The following HCN1 variants were observed in gnomAD, a reference collection of about 807,000 sequenced individuals.
HCN1 encodes the protein hyperpolarization activated cyclic nucleotide gated potassium channel 1.
Under a neutral mutation model 78.9 loss-of-function variants are expected in HCN1, and 13 were observed. The ratio of observed to expected loss-of-function variants is 0.16; its 90% CI spans 0.11 to 0.26. HCN1 has a LOEUF of 0.26. HCN1 is among the 10% of genes least tolerant of loss of function. The pLI, the probability that HCN1 is intolerant of heterozygous loss-of-function variation, is 1.00. For synonymous variants in HCN1, 552 were observed against 455.5 expected (o/e 1.21, Z -2.70); for missense variants, 810 against 1,154.3 (o/e 0.70, Z 4.32).
intron 2 of HCN1, among the ~76,000 whole-genome samples, chr5:45,603,979 A>C (rs1744675559): frequency 6.6e-6 from 1 of 152,220 alleles, no homozygotes; most frequent in South Asian, 2.1e-4. Flanking sequence ...TTCAAAGAAA[A>C]GTAGATCATG....
chr5:45,356,508 A>G (rs1747009863), intron 4 of HCN1, among the ~76,000 whole-genome samples: 1 of 152,024 alleles, frequency 6.6e-6, no homozygotes, highest in Non-Finnish European at 1.5e-5. Flanking sequence ...TGTTTAATCC[A>G]TATCACTAAG....
At chr5:45,612,984 C>T (rs1361193950) in intron 2 of HCN1, among the ~76,000 whole-genome samples, 9 of 152,106 alleles carry the variant, frequency 5.9e-5, no homozygotes, top group Admixed American at 4.6e-4. Flanking sequence ...ATTTACAATA[C>T]AAACGTTGGA....
chr5:45,555,281 T>A (rs1474605751), intron 2 of HCN1, among the ~76,000 whole-genome samples: 4 of 151,528 alleles, frequency 2.6e-5, no homozygotes, highest in Non-Finnish European at 1.5e-5. Flanking sequence ...AAAAAAGTAA[T>A]CCCATTTACA....
chr5:45,328,203 TATC>T (rs1561108349), intron 5 of HCN1, among the ~76,000 whole-genome samples: 2 of 151,826 alleles, frequency 1.3e-5, no homozygotes, highest in East Asian at 1.9e-4. Flanking sequence ...ACTAAGCACT[TATC>T]ATGATTGTGG....
At chr5:45,384,969 C>T (rs1200139805) in intron 4 of HCN1, among the ~76,000 whole-genome samples, 5 of 151,916 alleles carry the variant, frequency 3.3e-5, no homozygotes, top group African/African-American at 1.2e-4. Context: ...TCCTTTTTTC[C>T]AGAACTGGAG....
At chr5:45,450,668 T>G (rs1375928449) in intron 3 of HCN1, among the ~76,000 whole-genome samples, 5 of 152,194 alleles carry the variant, frequency 3.3e-5, no homozygotes, top group African/African-American at 1.2e-4. Flanking sequence ...TGGGAGCAGT[T>G]CCTGTATAGG....
rs190038424 is a variant in HCN1, at chr5:45,285,217, C to T, written c.1619-17964G>A. 3.3e-5 allele frequency among the ~76,000 whole-genome samples: 5 copies of T among 152,094 alleles called. No homozygotes were observed. The East Asian group carries it at 9.7e-4, about 29-fold the overall frequency. The stretch of plus-strand genomic sequence containing the variant: ...ACACTACTATTCAATTTTTACAACT[C>T]AGCTCAGAAGTGAGGTGGGTACTCT... On this transcript the variant is annotated intron_variant, in intron 6 of 7. Coordinates refer to ENST00000303230, the MANE Select transcript of HCN1 (RefSeq NM_021072.4).
rs144354993 is a variant in HCN1, at chr5:45,400,856, C to T, written c.1012-4146G>A. On this transcript the variant is annotated intron_variant, in intron 3 of 7. Transcript: ENST00000303230. Reference sequence around the variant, plus strand: ...CTCCATGTTCATATAATCACACACACATGCACATACACAAATCCATGATTC... The same window carrying T: ...CTCCATGTTCATATAATCACACACATATGCACATACACAAATCCATGATTC... 2.0e-3 allele frequency among the ~76,000 whole-genome samples: 311 copies of T among 152,254 alleles called. 2 individuals carry two copies. Among genetic ancestry groups the T allele is most frequent in the African/African-American group, 7.2e-3 (298 of 41,566 alleles).
At chr5:45,267,289 T>G in intron 6 of HCN1, 36 bp from the exon 7 acceptor site, 2 of 1,605,432 alleles carry the variant, frequency 1.2e-6, no homozygotes, top group Non-Finnish European at 1.7e-6. Flanking sequence ...ATGACTTGTT[T>G]GATCATTTTC....
At chr5:45,314,177 C>A (rs1441079514) in intron 5 of HCN1, among the ~76,000 whole-genome samples, 3 of 152,124 alleles carry the variant, frequency 2.0e-5, no homozygotes, top group Admixed American at 6.5e-5. Context: ...GGCAGAAACT[C>A]TACAAGCCAG....
intron 1 of HCN1, among the ~76,000 whole-genome samples, chr5:45,677,989 TACACACACACAC>T (rs200866112): frequency 1.1e-5 from 1 of 94,100 alleles, no homozygotes; most frequent in Non-Finnish European, 2.4e-5. Flanking sequence ...CACACACACA[TACACACACACAC>T]ACACACACAC....
At position 45,498,390 on chromosome 5, in the gene HCN1, C is replaced by G. The variant is rs141512686; in HGVS notation, c.850-36383G>C. Among the ~76,000 whole-genome samples, 240 of 152,284 alleles carry G rather than the reference C, an allele frequency of 1.6e-3. 3 individuals carry two copies. In the East Asian group the frequency reaches 0.031, roughly 20 times the overall value. ...CAGTTCATCGCATTGGCTCCTGAGG[C>G]TTCTGCATTCTTCATGTAGTTCTCG... On this transcript the variant is annotated intron_variant, in intron 2 of 7. Transcript: ENST00000303230.
At chr5:45,414,224 G>A (rs1237882207) in intron 3 of HCN1, among the ~76,000 whole-genome samples, 1 of 151,916 alleles carries the variant, frequency 6.6e-6, no homozygotes. Flanking sequence ...AACTATCACA[G>A]GTCTCACTCC....
At chr5:45,524,952 G>A (rs1176308597) in intron 2 of HCN1, among the ~76,000 whole-genome samples, 1 of 152,110 alleles carries the variant, frequency 6.6e-6, no homozygotes, top group Non-Finnish European at 1.5e-5. Flanking sequence ...CAAAGGGAAT[G>A]CTTCCAGTTT....
intron 2 of HCN1, among the ~76,000 whole-genome samples, chr5:45,526,118 T>C (rs1220971567): frequency 6.6e-6 from 1 of 152,066 alleles, no homozygotes; most frequent in African/African-American, 2.4e-5. Flanking sequence ...GTGTTATTTA[T>C]AAGCCACCCA....
chr5:45,545,496 G>A (rs1743196957), intron 2 of HCN1, among the ~76,000 whole-genome samples: 1 of 152,056 alleles, frequency 6.6e-6, no homozygotes. Flanking sequence ...CATTGCTTTT[G>A]GGGTTTTAGT....
chr5:45,351,688 C>A (rs1392308777), intron 5 of HCN1, among the ~76,000 whole-genome samples: 3 of 145,284 alleles, frequency 2.1e-5, no homozygotes, highest in Admixed American at 6.9e-5. Context: ...AAGAAAAAAA[C>A]AAACAACCCC....
chr5:45,688,038 T>C (rs1739840815), intron 1 of HCN1, among the ~76,000 whole-genome samples: 1 of 152,138 alleles, frequency 6.6e-6, no homozygotes, highest in Non-Finnish European at 1.5e-5. Context: ...TGAATTCTTC[T>C]GGATTTCAAT....
chr5:45,677,702 A>G (rs995242667), intron 1 of HCN1, among the ~76,000 whole-genome samples: 7 of 151,870 alleles, frequency 4.6e-5, no homozygotes, highest in African/African-American at 7.2e-5. Context: ...AGCAAGAGAG[A>G]GAAAGAGAGC....
Sources: allele counts gnomAD v4.1 joint callset (sites outside exome capture counted in the v4.1 genomes callset), GRCh38; gene constraint gnomAD v4.1.1; transcripts MANE v1.5; gene names NCBI Gene and HGNC (gene_info 2026-07-23, HGNC 2026-07-21).